GDF7: variants seen among roughly 807,000 people sequenced by gnomAD.
GDF7 encodes growth/differentiation factor 7.
A neutral mutation model predicts 13.4 loss-of-function variants in GDF7; 12 were observed. The ratio of observed to expected loss-of-function variants is 0.90; its 90% CI spans 0.57 to 1.45. The LOEUF is 1.45. Among genes scored for constraint, GDF7 ranks in the 40% most tolerant of loss-of-function variants. The probability of loss-of-function intolerance (pLI) is 0.00; values close to 1 mark genes in which losing one functional copy is unlikely to be tolerated. For synonymous variants in GDF7, 330 were observed against 306.4 expected (o/e 1.08, Z -0.80); for missense variants, 651 against 652.4 (o/e 1.00, Z 0.02).
Position 20,671,114 on chromosome 2 carries a change from C to G in GDF7, c.1042C>G (p.Arg348Gly). 7.5e-6 allele frequency: 12 copies of G among 1,603,724 alleles called. No individual in the cohort carries two copies. Among genetic ancestry groups the G allele is most frequent in the South Asian group, 1.1e-5 (1 of 89,906 alleles). ...GRGHGRRGRS[R>G]CSRKPLHVDF... ...GGGCCACGGGCGCAGGGGCCGGAGC[C>G]GCTGCAGCCGCAAGCCGTTGCACGT... is the stretch of plus-strand genomic sequence containing the variant. The change falls in exon 2 of 2, where the codon CGC becomes GGC. Residue 348 changes from arginine to glycine, a missense_variant. Transcript: ENST00000272224.
Position 20,673,882 on chromosome 2 carries a change from T to C in GDF7, c.*2457T>C, listed in dbSNP as rs934449759. 6.6e-6 allele frequency: 1 copy of C among 152,264 alleles called. No homozygotes were observed. The highest frequency in any genetic ancestry group is 2.4e-5 in the African/African-American group (1 of 41,460). 9.4% of individuals were successfully genotyped at this position (152,264 alleles called of 1,614,324 possible). On this transcript the variant is annotated 3_prime_UTR_variant, in exon 2 of 2. Coordinates refer to ENST00000272224, the MANE Select transcript of GDF7 (RefSeq NM_182828.4). ...CCATACCCTCAGTGTGCTCTTTGTT[T>C]ACTGGATAAAAGGAATGCTTCCCAG...
In GDF7 at chr2:20,672,119, C is replaced by G. The variant is rs1344239264; in HGVS notation, c.*694C>G. 2.3e-5 allele frequency: 3 copies of G among 131,270 alleles called. No individual in the cohort carries two copies. Among genetic ancestry groups the G allele is most frequent in the Non-Finnish European group, 4.8e-5 (3 of 62,024 alleles). The allele number at this position is 131,270 out of a possible 1,614,324, so 8.1% of individuals were successfully genotyped here. A position where few individuals can be genotyped will look rare whatever the true frequency, so the allele number is the denominator to read the frequency against. On this transcript the variant is annotated 3_prime_UTR_variant, in exon 2 of 2. Transcript: ENST00000272224. ...GGTCGGTACCGCCACCCCCCCCCCC[C>G]CCCCCGCCTTTTTTTTTTTTTTTTT...
In GDF7 at chr2:20,676,173, C is replaced by G. The variant is rs554340714; in HGVS notation, c.*4748C>G. The G allele has an allele frequency of 1.9e-4, 29 of 152,508 alleles. 2 individuals are homozygous for G. The highest frequency in any genetic ancestry group is 6.7e-4 in the African/African-American group (28 of 41,600). 9.4% of individuals were successfully genotyped at this position (152,508 alleles called of 1,614,324 possible). A position where few individuals can be genotyped will look rare whatever the true frequency, so the allele number is the denominator to read the frequency against. ...GAATGGACTCCTTGGGTCCTCACCCCCTCCTCACCACCATGCCCATGTCTG... is the reference window on the plus strand; with the variant it reads ...GAATGGACTCCTTGGGTCCTCACCCGCTCCTCACCACCATGCCCATGTCTG... On this transcript the variant is annotated 3_prime_UTR_variant, in exon 2 of 2. Transcript: ENST00000272224.
At chr2:20,668,810 G>A (rs1430920961) in intron 1 of GDF7, among the ~76,000 whole-genome samples, 1 of 152,232 alleles carries the variant, frequency 6.6e-6, no homozygotes, top group African/African-American at 2.4e-5. Flanking sequence ...CTGTGGTTCG[G>A]TTAGAACTAT....
At position 20,679,029 on chromosome 2, in the gene GDF7, A is replaced by T. The variant is rs1197599355; in HGVS notation, c.*7604A>T. ...CCGATGCCCAGGCCAGCTAGCAGGG[A>T]GCCCTCCCAGGGCTGGTAGAAACCT... is the stretch of plus-strand genomic sequence containing the variant. On this transcript the variant is annotated 3_prime_UTR_variant, in exon 2 of 2. Transcript: ENST00000272224. 1 of 152,184 alleles carries T rather than the reference A, an allele frequency of 6.6e-6. No individual in the cohort carries two copies. Among genetic ancestry groups the T allele is most frequent in the African/African-American group, 2.4e-5 (1 of 41,446 alleles). 9.4% of individuals were successfully genotyped at this position (152,184 alleles called of 1,614,324 possible). A position where few individuals can be genotyped will look rare whatever the true frequency, so the allele number is the denominator to read the frequency against.
Position 20,670,552 on chromosome 2 carries a change from C to T in GDF7, c.480C>T (p.Arg160=). ...ACGAGGTGGTGGGTGCCGAGCTGCG[C>T]GTGCTGCGCCGGGGATCTCCAGAGT... is the stretch of plus-strand genomic sequence containing the variant. The part of the protein sequence containing the change: ...DADEVVGAEL[R]VLRRGSPESG... Residue 160 remains arginine (R), a synonymous_variant, in exon 2 of 2, where the codon CGC becomes CGT. Transcript: ENST00000272224. The T allele has an allele frequency of 6.2e-7, 1 of 1,607,276 alleles. No individual in the cohort carries two copies. The highest frequency in any genetic ancestry group is 1.3e-5 in the African/African-American group (1 of 74,692).
chr2:20,673,229 CTTAAAA>C lies in GDF7; in HGVS notation c.*1809_*1814del, dbSNP rs1484918124. On this transcript the variant is annotated 3_prime_UTR_variant, in exon 2 of 2. Coordinates refer to ENST00000272224, the MANE Select transcript of GDF7 (RefSeq NM_182828.4). The stretch of plus-strand genomic sequence containing the variant: ...AAAAAAAATACACGTGTAAATTACT[CTTAAAA>C]TTAAGATTCCCCCCTTCCTCCTATT... The C allele has an allele frequency of 1.9e-4, 29 of 151,396 alleles. No homozygotes were observed. Among genetic ancestry groups the C allele is most frequent in the Admixed American group, 1.5e-3 (23 of 15,254 alleles). The allele number at this position is 151,396 out of a possible 1,614,324, so 9.4% of individuals were successfully genotyped here.
In GDF7 at chr2:20,673,623, C is replaced by A. The variant is rs1168999555; in HGVS notation, c.*2198C>A. 2.0e-5 allele frequency: 3 copies of A among 152,156 alleles called. No homozygotes were observed. The East Asian group carries it at 5.8e-4, about 29-fold the overall frequency. The allele number at this position is 152,156 out of a possible 1,614,324, so 9.4% of individuals were successfully genotyped here. ...TTGGATAAAAGCAAACATTTTGATA[C>A]TTTTTTAGTGACTAGTAAAAACAAT... On this transcript the variant is annotated 3_prime_UTR_variant, in exon 2 of 2. Transcript: ENST00000272224.
chr2:20,676,861 G>A lies in GDF7; in HGVS notation c.*5436G>A, dbSNP rs1662236762. 1 of 152,276 alleles carries A rather than the reference G, an allele frequency of 6.6e-6. No homozygotes were observed. The allele number at this position is 152,276 out of a possible 1,614,324, so 9.4% of individuals were successfully genotyped here. A position where few individuals can be genotyped will look rare whatever the true frequency, so the allele number is the denominator to read the frequency against. On this transcript the variant is annotated 3_prime_UTR_variant, in exon 2 of 2. Coordinates refer to ENST00000272224, the MANE Select transcript of GDF7 (RefSeq NM_182828.4). ...GACTGAGTTTCAAGTTATGCTCACA[G>A]TTGCTGAAAAAGCAAAAATATGCCC... is the stretch of plus-strand genomic sequence containing the variant.
chr2:20,668,193 C>T (rs1460425731), intron 1 of GDF7, among the ~76,000 whole-genome samples: 1 of 152,154 alleles, frequency 6.6e-6, no homozygotes, highest in Non-Finnish European at 1.5e-5. Context: ...GAGGAGTGCC[C>T]TGCTCAGCAG....
intron 1 of GDF7, among the ~76,000 whole-genome samples, chr2:20,668,306 G>C (rs775064489): frequency 2.0e-5 from 3 of 152,124 alleles, no homozygotes; most frequent in Non-Finnish European, 4.4e-5. Context: ...AAGGATCCTG[G>C]TGGTGTGGGG....
chr2:20,673,886 G>A lies in GDF7; in HGVS notation c.*2461G>A, dbSNP rs538347368. On this transcript the variant is annotated 3_prime_UTR_variant, in exon 2 of 2. Transcript: ENST00000272224. ...ACCCTCAGTGTGCTCTTTGTTTACTGGATAAAAGGAATGCTTCCCAGATTT... is the reference window on the plus strand; with the variant it reads ...ACCCTCAGTGTGCTCTTTGTTTACTAGATAAAAGGAATGCTTCCCAGATTT... 9.8e-5 allele frequency: 15 copies of A among 152,340 alleles called. No individual in the cohort carries two copies. The highest frequency in any genetic ancestry group is 3.4e-4 in the African/African-American group (14 of 41,556). 9.4% of individuals were successfully genotyped at this position (152,340 alleles called of 1,614,324 possible). A position where few individuals can be genotyped will look rare whatever the true frequency, so the allele number is the denominator to read the frequency against.
rs1662199798 is a variant in GDF7, at chr2:20,675,370, C to CCCAGCTGAAAT, written c.*3945_*3946insCCAGCTGAAAT. ...GAAGCTGCCGAGCGAACCCAGCAGCCAAACTTTGGGTGAGTGGAAAGTAAC... is the reference window on the plus strand; with the variant it reads ...GAAGCTGCCGAGCGAACCCAGCAGCCCCAGCTGAAATAAACTTTGGGTGAGTGGAAAGTAAC... On this transcript the variant is annotated 3_prime_UTR_variant, in exon 2 of 2. Coordinates refer to ENST00000272224, the MANE Select transcript of GDF7 (RefSeq NM_182828.4). The CCCAGCTGAAAT allele has an allele frequency of 6.6e-6, 1 of 152,270 alleles. No homozygotes were observed. The highest frequency in any genetic ancestry group is 1.5e-5 in the Non-Finnish European group (1 of 68,074). The allele number at this position is 152,270 out of a possible 1,614,324, so 9.4% of individuals were successfully genotyped here. A position where few individuals can be genotyped will look rare whatever the true frequency, so the allele number is the denominator to read the frequency against.
rs951853976 is a variant in GDF7, at chr2:20,671,605, G to T, written c.*180G>T. 4 of 640,510 alleles carry T rather than the reference G, an allele frequency of 6.2e-6. No homozygotes were observed. The highest frequency in any genetic ancestry group is 1.8e-5 in the African/African-American group (1 of 54,456). 39.7% of individuals were successfully genotyped at this position (640,510 alleles called of 1,614,324 possible). A position where few individuals can be genotyped will look rare whatever the true frequency, so the allele number is the denominator to read the frequency against. ...TGCAGTCACGCACACATTTACCGGGGACAGCATGTGAAAGCCTTGGGAAGA... is the reference window on the plus strand; with the variant it reads ...TGCAGTCACGCACACATTTACCGGGTACAGCATGTGAAAGCCTTGGGAAGA... On this transcript the variant is annotated 3_prime_UTR_variant, in exon 2 of 2. Coordinates refer to ENST00000272224, the MANE Select transcript of GDF7 (RefSeq NM_182828.4).
At chr2:20,668,422 G>C (rs889832993) in intron 1 of GDF7, among the ~76,000 whole-genome samples, 3 of 152,240 alleles carry the variant, frequency 2.0e-5, no homozygotes, top group African/African-American at 7.2e-5. Context: ...AGGTGAGGCT[G>C]TGGTGTGGCT....
At chr2:20,670,347 C>T in intron 1 of GDF7, 117 bp from the exon 2 acceptor site, 3 of 1,159,014 alleles carry the variant, frequency 2.6e-6, no homozygotes, top group South Asian at 1.9e-5. Flanking sequence ...CTCCAACAGG[C>T]CTGGCTCCCA....
Position 20,671,325 on chromosome 2 carries a change from C to T in GDF7, c.1253C>T (p.Ala418Val), listed in dbSNP as rs1257142842. ...DAAPASCCVP[A>V]RLSPISILYI... is the part of the protein sequence containing the mutation. ...GCGCCGGCCTCCTGCTGTGTGCCAG[C>T]GCGCCTCAGCCCCATCAGCATCCTC... Residue 418 changes from alanine to valine, a missense_variant, in exon 2 of 2, where the codon GCG becomes GTG. Ala to Val is a moderately conservative substitution (Grantham distance 64). Around this residue, in one of 4 missense-constraint regions of GDF7, gnomAD observed 101 missense variants for 139.2 expected, o/e 0.73. Transcript: ENST00000272224. 4 of 1,613,484 alleles carry T rather than the reference C, an allele frequency of 2.5e-6. No individual in the cohort carries two copies. The highest frequency in any genetic ancestry group is 3.4e-6 in the Non-Finnish European group (4 of 1,179,934).
chr2:20,667,179 G>A lies in GDF7; in HGVS notation c.-61G>A. The A allele has an allele frequency of 9.1e-7, 1 of 1,094,410 alleles. No individual in the cohort carries two copies. Among genetic ancestry groups the A allele is most frequent in the Non-Finnish European group, 1.1e-6 (1 of 900,154 alleles). 67.8% of individuals were successfully genotyped at this position (1,094,410 alleles called of 1,614,324 possible). On this transcript the variant is annotated 5_prime_UTR_variant, in exon 1 of 2. Coordinates refer to ENST00000272224, the MANE Select transcript of GDF7 (RefSeq NM_182828.4). This position sits in a 1 kb window ranked among gnomAD's most constrained non-coding sequence, Gnocchi z 6.4. ...TTATTAAACACTATGTTCAAAAGGC[G>A]CCGGGGGACTTCCCGGAGCCACGGA...
At position 20,678,248 on chromosome 2, in the gene GDF7, A is replaced by C. The variant is rs1472164440; in HGVS notation, c.*6823A>C. The stretch of plus-strand genomic sequence containing the variant: ...GCCTTGGATAAATCATGGATTAAAC[A>C]TGAGCATCCTTAGAATAATTTTATT... On this transcript the variant is annotated 3_prime_UTR_variant, in exon 2 of 2. Transcript: ENST00000272224. 6 of 152,278 alleles carry C rather than the reference A, an allele frequency of 3.9e-5. No individual in the cohort carries two copies. Among genetic ancestry groups the C allele is most frequent in the Non-Finnish European group, 7.3e-5 (5 of 68,048 alleles). The allele number at this position is 152,278 out of a possible 1,614,324, so 9.4% of individuals were successfully genotyped here.
Sources: gnomAD v4.1 joint callset for allele counts (sites outside exome capture counted in the v4.1 genomes callset) on GRCh38, gnomAD v4.1.1 for gene constraint, gnomAD v4.1.1 regional missense constraint, Gnocchi (gnomAD v3.1) non-coding constraint, MANE v1.5 for transcripts, NCBI Gene and HGNC (gene_info 2026-07-23, HGNC 2026-07-21) for gene names.